The following RAPGEF4 variants were observed in gnomAD, a reference collection of about 807,000 sequenced individuals.
The protein encoded by RAPGEF4 is Rap guanine nucleotide exchange factor 4.
Under a neutral mutation model 147.9 loss-of-function variants are expected in RAPGEF4, and 66 were observed. The ratio of observed to expected loss-of-function variants is 0.45; its 90% CI spans 0.37 to 0.55. RAPGEF4 has a LOEUF of 0.55. Ranked by LOEUF, RAPGEF4 falls within the 20% of genes least tolerant of loss-of-function variation. The probability of loss-of-function intolerance (pLI) is 0.00; values close to 1 mark genes in which losing one functional copy is unlikely to be tolerated. For missense variants in RAPGEF4, 1,071 were observed against 1,257.3 expected, an observed-to-expected ratio of 0.85 and a Z score of 2.24; for synonymous variants, 419 against 442.7, an observed-to-expected ratio of 0.95 and a Z score of 0.67.
Position 172,990,773 on chromosome 2 carries a change from C to T in RAPGEF4, c.1375-37C>T, listed in dbSNP as rs370945255. ...AAAATTTTTTCATTGTCTGAGTAAG[C>T]GGCAGCATCTGTATGTGGTGTAATT... On this transcript the variant is annotated intron_variant, in intron 14 of 30. Transcript: ENST00000397081. 77 of 1,485,198 alleles carry T rather than the reference C, an allele frequency of 5.2e-5. 1 individual carries two copies. The highest frequency in any genetic ancestry group is 3.6e-4 in the East Asian group (16 of 43,890). The allele number at this position is 1,485,198 out of a possible 1,614,324, so 92.0% of individuals were successfully genotyped here. A position where few individuals can be genotyped will look rare whatever the true frequency, so the allele number is the denominator to read the frequency against.
At chr2:173,025,042 A>G (rs1696527683) in intron 23 of RAPGEF4, among the ~76,000 whole-genome samples, 1 of 152,238 alleles carries the variant, frequency 6.6e-6, no homozygotes, top group Non-Finnish European at 1.5e-5. Flanking sequence ...TGTTCAGACC[A>G]CACATTCATT....
At chr2:172,930,378 CT>C (rs1685792811) in intron 6 of RAPGEF4, among the ~76,000 whole-genome samples, 1 of 152,090 alleles carries the variant, frequency 6.6e-6, no homozygotes, top group South Asian at 2.1e-4. Flanking sequence ...GAGTTTCCCC[CT>C]ATTTTACTTC....
intron 10 of RAPGEF4, among the ~76,000 whole-genome samples, chr2:172,972,673 A>G (rs1270072184): frequency 6.6e-6 from 1 of 152,140 alleles, no homozygotes; most frequent in African/African-American, 2.4e-5. Flanking sequence ...TCATATCCAC[A>G]TGGCCTGAAA....
intron 30 of RAPGEF4, among the ~76,000 whole-genome samples, chr2:173,050,757 CAAAAA>C (rs34661805): frequency 5.0e-5 from 6 of 120,080 alleles, no homozygotes; most frequent in African/African-American, 1.9e-4. Context: ...CATTTCTTAA[CAAAAA>C]AAAAAAAAAA....
intron 4 of RAPGEF4, chr2:172,821,849 C>A: frequency 4.6e-6 from 7 of 1,519,514 alleles, no homozygotes; most frequent in Non-Finnish European, 6.2e-6. Context: ...GAGAGCCACT[C>A]AGTAGTAGAC....
chr2:172,906,812 C>A (rs1442222209), intron 4 of RAPGEF4, among the ~76,000 whole-genome samples: 1 of 137,304 alleles, frequency 7.3e-6, no homozygotes, highest in African/African-American at 3.6e-5. Context: ...TGGCTCAGCT[C>A]AGTTCAAGCT....
At position 172,960,762 on chromosome 2, in the gene RAPGEF4, A is replaced by G; in HGVS notation, c.540A>G (p.Thr180=). 6.3e-7 allele frequency: 1 copy of G among 1,596,016 alleles called. No homozygotes were observed. Among genetic ancestry groups the G allele is most frequent in the Non-Finnish European group, 8.5e-7 (1 of 1,170,566 alleles). Reference sequence around the variant, plus strand: ...TGCTTTAACATTTTATTTTTCAGACACCTCTCATTGAACCTCACGTTCCTC... The same window carrying G: ...TGCTTTAACATTTTATTTTTCAGACGCCTCTCATTGAACCTCACGTTCCTC... The part of the protein sequence containing the change: ...NNDRIPDKEN[T]PLIEPHVPLR... The change falls in exon 7 of 31, where the codon ACA becomes ACG. Residue 180 remains threonine (T), a splice_region_variant and synonymous_variant. Coordinates refer to ENST00000397081, the MANE Select transcript of RAPGEF4 (RefSeq NM_007023.4).
intron 1 of RAPGEF4, among the ~76,000 whole-genome samples, chr2:172,787,731 T>C (rs1685363287): frequency 6.6e-6 from 1 of 151,958 alleles, no homozygotes; most frequent in African/African-American, 2.4e-5. Flanking sequence ...GCAATCCTCC[T>C]GTCTCAACCT....
rs574293343 is a variant in RAPGEF4, at chr2:172,805,007, G to A, written c.297+7394G>A. 9.2e-5 allele frequency among the ~76,000 whole-genome samples: 14 copies of A among 152,256 alleles called. No homozygotes were observed. In the South Asian group the frequency reaches 2.9e-3, roughly 32 times the overall value. On this transcript the variant is annotated intron_variant, in intron 3 of 30. Transcript: ENST00000397081. The stretch of plus-strand genomic sequence containing the variant: ...GGAGGCGTGAGTTGCAGGCTGACTG[G>A]GCCTTACCCCATGGGTCTTCTCTGG...
intron 11 of RAPGEF4, among the ~76,000 whole-genome samples, chr2:172,985,071 GT>G (rs1692101071): frequency 6.6e-6 from 1 of 152,176 alleles, no homozygotes; most frequent in African/African-American, 2.4e-5. Flanking sequence ...GCAAGCAAGA[GT>G]CACTAGTAAC....
chr2:172,814,225 C>T, intron 3 of RAPGEF4, 54 bp from the exon 4 acceptor site: 1 of 1,577,904 alleles, frequency 6.3e-7, no homozygotes, highest in Non-Finnish European at 8.7e-7. Flanking sequence ...GAAAAGAAAA[C>T]ACCTACCCAT....
At chr2:172,927,073 T>C (rs1685447886) in intron 6 of RAPGEF4, among the ~76,000 whole-genome samples, 1 of 152,150 alleles carries the variant, frequency 6.6e-6, no homozygotes, top group Admixed American at 6.5e-5. Flanking sequence ...AGTCTCATCT[T>C]AAGGAGATTA....
In RAPGEF4 at chr2:172,899,010, T is replaced by C. The variant is rs76477877; in HGVS notation, c.445-18792T>C. 1.9e-3 allele frequency among the ~76,000 whole-genome samples: 288 copies of C among 152,340 alleles called. 1 individual carries two copies. The highest frequency in any genetic ancestry group is 3.4e-3 in the Non-Finnish European group (231 of 68,034). ...ATTCAATTATGTTGCTTAAAAGCTA[T>C]GTATATATTGATGTGGGCAAAATGC... On this transcript the variant is annotated intron_variant, in intron 4 of 30. Transcript: ENST00000397081.
intron 10 of RAPGEF4, 75 bp downstream of exon 10, chr2:172,967,519 A>G: frequency 6.9e-7 from 1 of 1,453,716 alleles, no homozygotes; most frequent in Non-Finnish European, 9.2e-7. Flanking sequence ...GAGGAGAGAC[A>G]CAAGGCTGCT....
chr2:172,831,404 G>T (rs868217757), intron 4 of RAPGEF4, among the ~76,000 whole-genome samples: 1 of 151,062 alleles, frequency 6.6e-6, no homozygotes, highest in South Asian at 2.1e-4. Flanking sequence ...GAGTAGCTGG[G>T]ATTACAGGTG....
At chr2:172,974,899 T>C (rs987536638) in intron 10 of RAPGEF4, among the ~76,000 whole-genome samples, 3 of 152,174 alleles carry the variant, frequency 2.0e-5, no homozygotes, top group African/African-American at 7.2e-5. Flanking sequence ...TTTATTTTTG[T>C]CTTATGTCCT....
At chr2:173,033,821 T>C (rs1683545107) in intron 26 of RAPGEF4, 93 bp from the exon 27 acceptor site, 2 of 1,162,962 alleles carry the variant, frequency 1.7e-6, no homozygotes, top group East Asian at 4.8e-5. Context: ...TAAGAGCCAA[T>C]GGATATATAT....
chr2:172,918,410 C>CACACACACAG (rs1431258877), intron 5 of RAPGEF4, among the ~76,000 whole-genome samples: 4 of 147,756 alleles, frequency 2.7e-5, no homozygotes, highest in Non-Finnish European at 6.1e-5. Flanking sequence ...CACACACACA[C>CACACACACAG]AAAGTGACTA....
chr2:172,743,542 C>T (rs1372613911), intron 1 of RAPGEF4, among the ~76,000 whole-genome samples: 2 of 152,170 alleles, frequency 1.3e-5, no homozygotes, highest in Admixed American at 1.3e-4. Context: ...GTTGGATATT[C>T]CCACATGAAT....
Sources: allele counts gnomAD v4.1 joint callset (sites outside exome capture counted in the v4.1 genomes callset), GRCh38; gene constraint gnomAD v4.1.1; transcripts MANE v1.5; gene names NCBI Gene and HGNC (gene_info 2026-07-23, HGNC 2026-07-21).